The following CAMK2A variants were observed in gnomAD, a reference collection of about 807,000 sequenced individuals.
CAMK2A encodes calcium/calmodulin-dependent protein kinase type II subunit alpha.
Under a neutral mutation model 79.2 loss-of-function variants are expected in CAMK2A, and 7 were observed. That is an observed-to-expected ratio of 0.09 (90% CI 0.05 to 0.17). The LOEUF (loss-of-function observed/expected upper bound fraction) is 0.17, where lower values mean the gene tolerates loss of function less well. CAMK2A is among the 10% of genes least tolerant of loss of function. CAMK2A has a pLI of 1.00. For synonymous variants in CAMK2A, 242 were observed against 251.7 expected (o/e 0.96, Z 0.36); for missense variants, 214 against 646.4 (o/e 0.33, Z 7.25).
chr5:150,289,349 T>A (rs1464774056), intron 1 of CAMK2A, among the ~76,000 whole-genome samples: 1 of 152,236 alleles, frequency 6.6e-6, no homozygotes, highest in African/African-American at 2.4e-5. Flanking sequence ...ACATACACAC[T>A]GGCCTGGCTA....
In CAMK2A at chr5:150,222,622, A is replaced by G; in HGVS notation, c.*88T>C. The G allele has an allele frequency of 2.0e-6, 3 of 1,482,982 alleles. No individual in the cohort carries two copies. The highest frequency in any genetic ancestry group is 2.8e-6 in the Non-Finnish European group (3 of 1,062,208). The allele number at this position is 1,482,982 out of a possible 1,614,324, so 91.9% of individuals were successfully genotyped here. ...GGTGATGACATGGGAGAATTCCAGC[A>G]AAATCCACCTGGGAGAACCAGCAGC... is the stretch of plus-strand genomic sequence containing the variant. On this transcript the variant is annotated 3_prime_UTR_variant, in exon 19 of 19. Transcript: ENST00000671881.
chr5:150,222,347 T>C lies in CAMK2A; in HGVS notation c.*363A>G. The C allele has an allele frequency of 1.7e-6, 1 of 604,506 alleles. No homozygotes were observed. The highest frequency in any genetic ancestry group is 2.9e-6 in the Non-Finnish European group (1 of 340,704). The allele number at this position is 604,506 out of a possible 1,614,324, so 37.4% of individuals were successfully genotyped here. A position where few individuals can be genotyped will look rare whatever the true frequency, so the allele number is the denominator to read the frequency against. On this transcript the variant is annotated 3_prime_UTR_variant, in exon 19 of 19. Coordinates refer to ENST00000671881, the MANE Select transcript of CAMK2A (RefSeq NM_015981.4). ...CCTTCCTCATCATGCCACCCCTCCT[T>C]CTCCCCAGCCCCTGGTGGGCACCAG...
intron 3 of CAMK2A, among the ~76,000 whole-genome samples, chr5:150,258,780 T>C (rs571141168): frequency 1.3e-5 from 2 of 152,304 alleles, no homozygotes; most frequent in South Asian, 2.1e-4. Flanking sequence ...CTGTCGTATT[T>C]GCACATAAAA....
chr5:150,233,947 G>A (rs1754956245), intron 15 of CAMK2A, among the ~76,000 whole-genome samples: 1 of 152,134 alleles, frequency 6.6e-6, no homozygotes, highest in African/African-American at 2.4e-5. Context: ...TGAGTAGCTG[G>A]GATTACAGGC....
chr5:150,223,029 C>T lies in CAMK2A; in HGVS notation c.1426G>A (p.Val476Ile), dbSNP rs764264581. The T allele has an allele frequency of 6.8e-6, 11 of 1,614,232 alleles. No homozygotes were observed. The highest frequency in any genetic ancestry group is 1.7e-5 in the Admixed American group (1 of 60,036). Residue 476 changes from valine to isoleucine, a missense_variant, in exon 18 of 19, where the codon GTC (valine) becomes ATC (isoleucine). Physicochemically the swap from Val to Ile is conservative, Grantham distance 29 (BLOSUM62 3). This residue lies in a region of CAMK2A where 123 missense variants were observed against 242.4 expected (regional missense o/e 0.51). Transcript: ENST00000671881. The surrounding 1 kb of genome is among the most constrained non-coding windows in gnomAD (Gnocchi z 4.1). The stretch of plus-strand genomic sequence containing the variant: ...GGCGCCCCAGATCTGTGGAAGTGGA[C>T]GATCTGCCATTTGCCATCCCGGCGG... ...WHRRDGKWQI[V>I]HFHRSGAPSV...
In CAMK2A at chr5:150,220,348, G is replaced by T. The variant is rs1179863088; in HGVS notation, c.*2362C>A. ...GACAGGCACCGACGAGGGGAATCAG[G>T]GGCAGGTGGGGGAGGGGATGGAGCC... On this transcript the variant is annotated 3_prime_UTR_variant, in exon 19 of 19. Coordinates refer to ENST00000671881, the MANE Select transcript of CAMK2A (RefSeq NM_015981.4). 1 of 152,386 alleles carries T rather than the reference G, an allele frequency of 6.6e-6. No homozygotes were observed. Among genetic ancestry groups the T allele is most frequent in the African/African-American group, 2.4e-5 (1 of 41,458 alleles). 9.4% of individuals were successfully genotyped at this position (152,386 alleles called of 1,614,324 possible). A position where few individuals can be genotyped will look rare whatever the true frequency, so the allele number is the denominator to read the frequency against.
chr5:150,253,882 G>A (rs1314296277), intron 6 of CAMK2A, among the ~76,000 whole-genome samples: 4 of 148,938 alleles, frequency 2.7e-5, no homozygotes, highest in Non-Finnish European at 5.9e-5. Context: ...CAGCAGCATT[G>A]ATTGTGCCCC....
intron 1 of CAMK2A, among the ~76,000 whole-genome samples, chr5:150,276,189 G>A (rs149791959): frequency 6.6e-6 from 1 of 152,250 alleles, no homozygotes; most frequent in East Asian, 1.9e-4. Context: ...CAAGAACCAG[G>A]GACAATGACC....
Position 150,265,033 on chromosome 5 carries a change from A to G in CAMK2A, c.158-18T>C. On this transcript the variant is annotated intron_variant, in intron 2 of 18. Transcript: ENST00000671881. ...CTGATGGTCTGAAACACAGAGGCTCATGTGAGTCCCCGGTGAGGAAGGAAC... is the reference window on the plus strand; with the variant it reads ...CTGATGGTCTGAAACACAGAGGCTCGTGTGAGTCCCCGGTGAGGAAGGAAC... 1 of 1,600,444 alleles carries G rather than the reference A, an allele frequency of 6.2e-7. No individual in the cohort carries two copies. Among genetic ancestry groups the G allele is most frequent in the East Asian group, 2.2e-5 (1 of 44,764 alleles).
Position 150,289,702 on chromosome 5 carries a change from A to G in CAMK2A, c.-77T>C, listed in dbSNP as rs149774361. 9.4e-4 allele frequency: 1,129 copies of G among 1,204,772 alleles called. 8 individuals carry two copies. In the African/African-American group the frequency reaches 0.012, roughly 13 times the overall value. 74.6% of individuals were successfully genotyped at this position (1,204,772 alleles called of 1,614,324 possible). A position where few individuals can be genotyped will look rare whatever the true frequency, so the allele number is the denominator to read the frequency against. ...GCGCTGCTGCTCTGCTCCCGAACCT[A>G]GGGACCACTTGCCTGCCCGTGCTGC... On this transcript the variant is annotated 5_prime_UTR_variant, in exon 1 of 19. Coordinates refer to ENST00000671881, the MANE Select transcript of CAMK2A (RefSeq NM_015981.4).
chr5:150,221,850 G>A lies in CAMK2A; in HGVS notation c.*860C>T. The A allele has an allele frequency of 2.7e-6, 1 of 376,974 alleles. No homozygotes were observed. The highest frequency in any genetic ancestry group is 4.7e-6 in the Non-Finnish European group (1 of 213,560). 23.4% of individuals were successfully genotyped at this position (376,974 alleles called of 1,614,324 possible). A position where few individuals can be genotyped will look rare whatever the true frequency, so the allele number is the denominator to read the frequency against. On this transcript the variant is annotated 3_prime_UTR_variant, in exon 19 of 19. Coordinates refer to ENST00000671881, the MANE Select transcript of CAMK2A (RefSeq NM_015981.4). Reference sequence around the variant, plus strand: ...TTCTCACAATAATCTGAGAAGTCTAGTTATTACATAAATATCCATTAACGC... The same window carrying A: ...TTCTCACAATAATCTGAGAAGTCTAATTATTACATAAATATCCATTAACGC...
intron 1 of CAMK2A, among the ~76,000 whole-genome samples, chr5:150,275,235 G>C (rs952628269): frequency 3.3e-5 from 5 of 152,222 alleles, no homozygotes; most frequent in Admixed American, 2.0e-4. Flanking sequence ...TATGCTACCA[G>C]GAAGAAAGCA....
chr5:150,272,487 G>C (rs1381023489), intron 2 of CAMK2A, among the ~76,000 whole-genome samples: 2 of 151,448 alleles, frequency 1.3e-5, no homozygotes, highest in South Asian at 2.1e-4. Context: ...CAGGAGAATC[G>C]CTTGAACCCG....
intron 2 of CAMK2A, among the ~76,000 whole-genome samples, chr5:150,272,553 C>T (rs1367334493): frequency 7.6e-6 from 1 of 132,040 alleles, no homozygotes; most frequent in Non-Finnish European, 1.6e-5. Context: ...GCCTGGGCGA[C>T]AAGAGTGAAA....
chr5:150,286,642 G>C (rs1757436065), intron 1 of CAMK2A, among the ~76,000 whole-genome samples: 1 of 152,214 alleles, frequency 6.6e-6, no homozygotes, highest in African/African-American at 2.4e-5. Flanking sequence ...TTAGCTTTTG[G>C]GTGGTGACTG....
intron 15 of CAMK2A, among the ~76,000 whole-genome samples, chr5:150,234,744 G>A (rs1754991884): frequency 6.6e-6 from 1 of 152,198 alleles, no homozygotes; most frequent in Non-Finnish European, 1.5e-5. Flanking sequence ...AGCCTGATAT[G>A]AGGGGGTGTA....
At chr5:150,283,023 A>T (rs1248598465) in intron 1 of CAMK2A, among the ~76,000 whole-genome samples, 2 of 152,240 alleles carry the variant, frequency 1.3e-5, no homozygotes, top group Non-Finnish European at 2.9e-5. Flanking sequence ...CTCTGCAGAC[A>T]TAAGATGTTG....
At position 150,273,095 on chromosome 5, in the gene CAMK2A, T is replaced by C. The variant is rs1267862122; in HGVS notation, c.127A>G (p.Ile43Val). The change falls in exon 2 of 19, where the codon ATC becomes GTC. Residue 43 changes from isoleucine (I) to valine (V), a missense_variant. Physicochemically the swap from Ile to Val is conservative, Grantham distance 29 (BLOSUM62 3). This residue lies in a region of CAMK2A where 72 missense variants were observed against 333.9 expected (regional missense o/e 0.22). Transcript: ENST00000671881. ...VLAGQEYAAK[I>V]INTKKLSARD... ...GCTGACAGCTTCTTTGTGTTGATGA[T>C]CTTGGCAGCATACTCCTGGCCAGCC... 1 of 1,613,250 alleles carries C rather than the reference T, an allele frequency of 6.2e-7. No individual in the cohort carries two copies. The highest frequency in any genetic ancestry group is 8.5e-7 in the Non-Finnish European group (1 of 1,179,818).
In CAMK2A at chr5:150,270,494, G is replaced by T. The variant is rs141685157; in HGVS notation, c.157+2571C>A. On this transcript the variant is annotated intron_variant, in intron 2 of 18. Transcript: ENST00000671881. ...CAAAAGAAAGCCACAGCTCCCGGGA[G>T]GGTGGGCACAGCCCCTGCTGGGTGC... Among the ~76,000 whole-genome samples, 313 of 152,296 alleles carry T rather than the reference G, an allele frequency of 2.1e-3. 3 individuals are homozygous for T. Among genetic ancestry groups the T allele is most frequent in the African/African-American group, 7.1e-3 (294 of 41,566 alleles).
Sources: gnomAD v4.1 joint callset for allele counts (sites outside exome capture counted in the v4.1 genomes callset) on GRCh38, gnomAD v4.1.1 for gene constraint, gnomAD v4.1.1 regional missense constraint, Gnocchi (gnomAD v3.1) non-coding constraint, MANE v1.5 for transcripts, NCBI Gene and HGNC (gene_info 2026-07-23, HGNC 2026-07-21) for gene names.